ATP7A: variants seen among roughly 807,000 people sequenced by gnomAD.
ATP7A encodes the protein copper-transporting ATPase 1.
In ATP7A, 7 loss-of-function variants were observed where a neutral mutation model predicts 83.5. The observed-to-expected ratio is 0.08, with a 90% confidence interval of 0.05 to 0.16. The LOEUF (loss-of-function observed/expected upper bound fraction) is 0.16. ATP7A is among the 10% of genes least tolerant of loss of function. The pLI, the probability that ATP7A is intolerant of heterozygous loss-of-function variation, is 1.00. For missense variants in ATP7A, 940 were observed against 1,120.8 expected (o/e 0.84, Z 2.30); for synonymous variants, 354 against 395.2 (o/e 0.90, Z 1.24).
chrX:77,972,216 G>C (rs1479598822), intron 2 of ATP7A, among the ~76,000 whole-genome samples: 5 of 110,641 alleles, frequency 4.5e-5, no homozygotes, highest in African/African-American at 1.6e-4. Context: ...TTTTCAGACA[G>C]GGTCTTGCTC....
Position 78,048,343 on chromosome X carries a change from C to T in ATP7A, c.*1773C>T, listed in dbSNP as rs2044367607. 8.9e-6 allele frequency: 1 copy of T among 112,290 alleles called. No homozygotes were observed. The highest frequency in any genetic ancestry group is 9.5e-5 in the Admixed American group (1 of 10,548). 9.3% of individuals were successfully genotyped at this position (112,290 alleles called of 1,213,427 possible). A position where few individuals can be genotyped will look rare whatever the true frequency, so the allele number is the denominator to read the frequency against. ...GTTCCCATTACCAGAAGCAAAGCTG[C>T]TGCTAACCCAACATCTGGCACATAG... is the stretch of plus-strand genomic sequence containing the variant. On this transcript the variant is annotated 3_prime_UTR_variant, in exon 23 of 23. Coordinates refer to ENST00000341514, the MANE Select transcript of ATP7A (RefSeq NM_000052.7).
At chrX:77,979,086 C>A (rs1569549461) in intron 2 of ATP7A, among the ~76,000 whole-genome samples, 1 of 111,269 alleles carries the variant, frequency 9.0e-6, no homozygotes, top group Non-Finnish European at 1.9e-5. Context: ...CCCCCCTTCA[C>A]CTTCCAAAGT....
chrX:77,999,592 G>C (rs1051338427), intron 5 of ATP7A, among the ~76,000 whole-genome samples: 1 of 111,428 alleles, frequency 9.0e-6, no homozygotes, highest in Non-Finnish European at 1.9e-5. Context: ...TAGCACAGTA[G>C]ATTTGTTAAC....
At chrX:77,986,066 T>G (rs889731303) in intron 2 of ATP7A, among the ~76,000 whole-genome samples, 1 of 112,128 alleles carries the variant, frequency 8.9e-6, no homozygotes, top group Non-Finnish European at 1.9e-5. Flanking sequence ...GTTTGACTAT[T>G]CTGCATTTTT....
At chrX:77,979,816 G>A (rs2077595170) in intron 2 of ATP7A, among the ~76,000 whole-genome samples, 1 of 112,566 alleles carries the variant, frequency 8.9e-6, no homozygotes. Context: ...ATTTGCCTTT[G>A]CAACTTTAGA....
At chrX:77,931,698 C>T (rs1406701109) in intron 1 of ATP7A, among the ~76,000 whole-genome samples, 1 of 105,972 alleles carries the variant, frequency 9.4e-6, no homozygotes, top group Non-Finnish European at 2.0e-5. Context: ...AGGGGCTCCT[C>T]ACTTCCCAGT....
In ATP7A at chrX:77,937,887, TCA is replaced by T. The variant is rs782049494; in HGVS notation, c.-22+27075_-22+27076del. On this transcript the variant is annotated intron_variant, in intron 1 of 22. Coordinates refer to ENST00000341514, the MANE Select transcript of ATP7A (RefSeq NM_000052.7). ...ATGGTTCTCTCTCTCTCTCTCTCTCTCACACACACACACACACACACACATAC... is the reference window on the plus strand; with the variant it reads ...ATGGTTCTCTCTCTCTCTCTCTCTCTCACACACACACACACACACACATAC... Among the ~76,000 whole-genome samples, 154 of 100,831 alleles carry T rather than the reference TCA, an allele frequency of 1.5e-3. 1 individual carries two copies. Among genetic ancestry groups the T allele is most frequent in the African/African-American group, 3.3e-3 (90 of 27,547 alleles). The allele number at this position is 100,831 out of a possible 115,157, so 87.6% of individuals were successfully genotyped here. A position where few individuals can be genotyped will look rare whatever the true frequency, so the allele number is the denominator to read the frequency against.
chrX:77,939,387 A>T (rs1557225398), intron 1 of ATP7A, among the ~76,000 whole-genome samples: 2 of 110,751 alleles, frequency 1.8e-5, no homozygotes, highest in Non-Finnish European at 3.8e-5. Flanking sequence ...TTATCCCTCC[A>T]TTTATTTCCT....
chrX:78,028,180 C>G (rs929775880), intron 14 of ATP7A, among the ~76,000 whole-genome samples: 2 of 108,152 alleles, frequency 1.8e-5, no homozygotes, highest in African/African-American at 6.7e-5. Context: ...GCACCACCAT[C>G]CCTGGCTAAT....
intron 1 of ATP7A, among the ~76,000 whole-genome samples, chrX:77,928,016 C>T (rs782335208): frequency 8.3e-4 from 92 of 110,675 alleles, no homozygotes; most frequent in Non-Finnish European, 1.5e-3. Flanking sequence ...CACTCTGTCA[C>T]CCAGACTGGA....
At chrX:77,967,970 C>A (rs1343491534) in intron 1 of ATP7A, among the ~76,000 whole-genome samples, 2 of 110,768 alleles carry the variant, frequency 1.8e-5, no homozygotes, top group African/African-American at 3.3e-5. Context: ...AATTGCACAT[C>A]ACTCCTTTAT....
intron 4 of ATP7A, among the ~76,000 whole-genome samples, chrX:77,994,653 C>T (rs2077690387): frequency 9.0e-6 from 1 of 110,903 alleles, no homozygotes; most frequent in Non-Finnish European, 1.9e-5. Context: ...GATCTTCCCA[C>T]CTCAGCCTCC....
At chrX:77,956,287 A>G (rs1365228561) in intron 1 of ATP7A, among the ~76,000 whole-genome samples, 4 of 111,504 alleles carry the variant, frequency 3.6e-5, no homozygotes, top group Non-Finnish European at 7.5e-5. Context: ...CCTTTTCTCC[A>G]TATCATCACC....
chrX:78,028,182 C>T (rs1050867008), intron 14 of ATP7A, among the ~76,000 whole-genome samples: 1 of 108,079 alleles, frequency 9.3e-6, no homozygotes, highest in Admixed American at 1.0e-4. Flanking sequence ...ACCACCATCC[C>T]TGGCTAATTT....
At chrX:77,935,940 G>A (rs184879914) in intron 1 of ATP7A, among the ~76,000 whole-genome samples, 254 of 112,771 alleles carry the variant, frequency 2.3e-3, no homozygotes, top group Non-Finnish European at 3.2e-3. Context: ...AACAAAAGCT[G>A]AGTGAAGACA....
At chrX:78,020,851 T>G in intron 13 of ATP7A, 94 bp from the exon 14 acceptor site, 1 of 975,053 alleles carries the variant, frequency 1.0e-6, no homozygotes, top group Non-Finnish European at 1.4e-6. Context: ...AATATTTCTA[T>G]TTGTGCTAAC....
chrX:78,019,577 C>T (rs1437538492), intron 12 of ATP7A, among the ~76,000 whole-genome samples: 5 of 111,283 alleles, frequency 4.5e-5, no homozygotes, highest in Non-Finnish European at 9.4e-5. Flanking sequence ...AAACAATCCT[C>T]CCACCTCAGC....
intron 1 of ATP7A, chrX:77,963,993 A>G (rs782041764): frequency 1.8e-5 from 2 of 111,956 alleles, no homozygotes; most frequent in South Asian, 7.3e-4. Flanking sequence ...TACACTTAAT[A>G]TTTTTTGTTT....
At chrX:77,922,774 G>A (rs1308981662) in intron 1 of ATP7A, among the ~76,000 whole-genome samples, 1 of 111,234 alleles carries the variant, frequency 9.0e-6, no homozygotes, top group Admixed American at 9.6e-5. Context: ...CCCTTCCTTC[G>A]TCCTTTAGGG....
Sources: allele counts gnomAD v4.1 joint callset (sites outside exome capture counted in the v4.1 genomes callset), GRCh38; gene constraint gnomAD v4.1.1; transcripts MANE v1.5; gene names NCBI Gene and HGNC (gene_info 2026-07-23, HGNC 2026-07-21).